Variants in SULF1 observed in about 807,000 individuals in gnomAD.
SULF1 encodes the protein extracellular sulfatase Sulf-1.
SULF1 carries 46 observed loss-of-function variants against 110.5 expected under a neutral mutation model. That is an observed-to-expected ratio of 0.42 (90% CI 0.33 to 0.53). The LOEUF is 0.53. Ranked by LOEUF, SULF1 falls within the 20% of genes least tolerant of loss-of-function variation. The pLI is 0.12. For synonymous variants in SULF1, 371 were observed against 387.1 expected, an observed-to-expected ratio of 0.96 and a Z score of 0.49; for missense variants, 941 against 1,094.2, an observed-to-expected ratio of 0.86 and a Z score of 1.98.
intron 1 of SULF1, among the ~76,000 whole-genome samples, chr8:69,475,930 G>A (rs752725894): frequency 3.3e-5 from 5 of 152,126 alleles, no homozygotes; most frequent in Non-Finnish European, 7.4e-5. Flanking sequence ...GAAAATGGTT[G>A]GCCAAGTAAC....
intron 8 of SULF1, chr8:69,592,759 C>T (rs1320175694): frequency 5.8e-6 from 1 of 171,072 alleles, no homozygotes; most frequent in Non-Finnish European, 1.2e-5. Context: ...TTCTATCATT[C>T]TGGACCTACA....
At chr8:69,596,661 A>G (rs1276387412) in intron 8 of SULF1, among the ~76,000 whole-genome samples, 1 of 152,130 alleles carries the variant, frequency 6.6e-6, no homozygotes, top group Non-Finnish European at 1.5e-5. Flanking sequence ...GACTGTGGCC[A>G]GTGTGGTGTT....
chr8:69,639,715 G>A (rs768859510), intron 21 of SULF1, among the ~76,000 whole-genome samples: 1 of 152,282 alleles, frequency 6.6e-6, no homozygotes, highest in Admixed American at 6.5e-5. Flanking sequence ...GTGCCGCTGG[G>A]TTTTCTCTGT....
chr8:69,629,809 A>G, intron 19 of SULF1, 130 bp downstream of exon 19: 1 of 805,364 alleles, frequency 1.2e-6, no homozygotes, highest in East Asian at 2.7e-5. Context: ...ATTCTACTCT[A>G]TACTGGAAAC....
At chr8:69,586,985 G>A (rs975195583) in intron 7 of SULF1, among the ~76,000 whole-genome samples, 1 of 152,190 alleles carries the variant, frequency 6.6e-6, no homozygotes, top group Non-Finnish European at 1.5e-5. Flanking sequence ...GTCTGACCAA[G>A]CTTAGTATAC....
intron 6 of SULF1, among the ~76,000 whole-genome samples, chr8:69,585,495 G>GTCA (rs759640340): frequency 3.9e-5 from 6 of 152,002 alleles, no homozygotes; most frequent in Non-Finnish European, 8.8e-5. Flanking sequence ...CCCCTCTCCT[G>GTCA]TCATCATCTT....
At chr8:69,473,384 A>G (rs1409769370) in intron 1 of SULF1, 2 of 152,224 alleles carry the variant, frequency 1.3e-5, no homozygotes, top group East Asian at 3.9e-4. Context: ...GTGTTTCTCA[A>G]TCAAAAGTTT....
intron 1 of SULF1, among the ~76,000 whole-genome samples, chr8:69,486,057 T>C (rs1290960481): frequency 6.6e-6 from 1 of 152,204 alleles, no homozygotes; most frequent in Non-Finnish European, 1.5e-5. Context: ...TTAATATTTC[T>C]ATTTAAACAC....
chr8:69,491,848 A>C (rs955486020), upstream of SULF1, among the ~76,000 whole-genome samples: 2 of 152,188 alleles, frequency 1.3e-5, no homozygotes, highest in Non-Finnish European at 2.9e-5. Flanking sequence ...CAGACAACGC[A>C]TGCGGAATGA....
Position 69,467,184 on chromosome 8 carries a change from G to C in SULF1, c.-391+234G>C, listed in dbSNP as rs537209501. ...AGCTAAGAAAATACCTTTGGGAGCCGCGTTTGTACCTTTTCATATCCCCGT... is the reference window on the plus strand; with the variant it reads ...AGCTAAGAAAATACCTTTGGGAGCCCCGTTTGTACCTTTTCATATCCCCGT... On this transcript the variant is annotated intron_variant, in intron 1 of 22. Coordinates refer to the SULF1 transcript ENST00000260128. 8.0e-4 allele frequency: 122 copies of C among 152,264 alleles called. 1 individual carries two copies. Among genetic ancestry groups the C allele is most frequent in the African/African-American group, 2.4e-3 (98 of 41,552 alleles). 9.4% of individuals were successfully genotyped at this position (152,264 alleles called of 1,614,324 possible).
At chr8:69,581,298 G>A (rs1298656214) in intron 6 of SULF1, among the ~76,000 whole-genome samples, 1 of 152,168 alleles carries the variant, frequency 6.6e-6, no homozygotes, top group Non-Finnish European at 1.5e-5. Flanking sequence ...AATAAGATTT[G>A]ACTTTTCTGC....
chr8:69,627,967 A>ATTG (rs1348553297), intron 17 of SULF1, 101 bp downstream of exon 17: 1 of 958,252 alleles, frequency 1.0e-6, no homozygotes, highest in Non-Finnish European at 1.6e-6. Flanking sequence ...TATAGAATGT[A>ATTG]TTGTCATAGA....
intron 13 of SULF1, among the ~76,000 whole-genome samples, chr8:69,612,988 G>T (rs755360157): frequency 4.6e-5 from 7 of 152,016 alleles, no homozygotes; most frequent in Non-Finnish European, 8.8e-5. Flanking sequence ...ATAGTTTTGG[G>T]TCTTAGATTT....
At chr8:69,611,001 G>C (rs1181299760) in intron 13 of SULF1, among the ~76,000 whole-genome samples, 1 of 152,216 alleles carries the variant, frequency 6.6e-6, no homozygotes, top group African/African-American at 2.4e-5. Context: ...CTCACCTGAA[G>C]ACTCATACTG....
chr8:69,626,557 G>A (rs923953078), intron 15 of SULF1, among the ~76,000 whole-genome samples: 1 of 152,218 alleles, frequency 6.6e-6, no homozygotes, highest in Non-Finnish European at 1.5e-5. Flanking sequence ...GGGGAGGCTC[G>A]GGCTGCACAG....
At chr8:69,636,846 C>T (rs75273922) in intron 19 of SULF1, among the ~76,000 whole-genome samples, 6,089 of 152,118 alleles carry the variant, frequency 0.04, 400 homozygotes, top group African/African-American at 0.14. Context: ...ATTGATTTGC[C>T]GAACATACTT....
chr8:69,551,083 G>A (rs1037324987), intron 3 of SULF1, among the ~76,000 whole-genome samples: 16 of 152,202 alleles, frequency 1.1e-4, no homozygotes, highest in Non-Finnish European at 1.9e-4. Flanking sequence ...CAAAGAGGAG[G>A]CTATAGGTGA....
At chr8:69,642,226 T>C in intron 22 of SULF1, 2 of 987,230 alleles carry the variant, frequency 2.0e-6, no homozygotes, top group Non-Finnish European at 2.4e-6. Flanking sequence ...TCCCAAAGAA[T>C]GTTGCTGTTC....
At chr8:69,577,158 C>G (rs559991535) in intron 6 of SULF1, among the ~76,000 whole-genome samples, 8 of 152,316 alleles carry the variant, frequency 5.3e-5, no homozygotes, top group African/African-American at 1.9e-4. Context: ...AGCAGCTCCT[C>G]CCGTGCATCT....
Sources: gnomAD v4.1 joint callset for allele counts (sites outside exome capture counted in the v4.1 genomes callset) on GRCh38, gnomAD v4.1.1 for gene constraint, MANE v1.5 for transcripts, NCBI Gene and HGNC (gene_info 2026-07-23, HGNC 2026-07-21) for gene names.